KCNJ6: variants seen among roughly 807,000 people sequenced by gnomAD.
KCNJ6 encodes potassium inwardly rectifying channel subfamily J member 6.
A neutral mutation model predicts 34.2 loss-of-function variants in KCNJ6; 9 were observed. The ratio of observed to expected loss-of-function variants is 0.26; its 90% CI spans 0.16 to 0.46. The LOEUF is 0.46. Ranked by LOEUF, KCNJ6 falls within the 20% of genes least tolerant of loss-of-function variation. KCNJ6 has a pLI of 1.00. For synonymous variants in KCNJ6, 196 were observed against 207.1 expected (o/e 0.95, Z 0.46); for missense variants, 236 against 531.3 (o/e 0.44, Z 5.46).
intron 2 of KCNJ6, among the ~76,000 whole-genome samples, chr21:37,770,509 A>T (rs2055112963): frequency 6.6e-6 from 1 of 152,156 alleles, no homozygotes; most frequent in Non-Finnish European, 1.5e-5. Flanking sequence ...TGTAATGAAG[A>T]GTGTGTCTGG....
At chr21:37,893,472 C>G (rs981772135) in intron 1 of KCNJ6, among the ~76,000 whole-genome samples, 1 of 152,204 alleles carries the variant, frequency 6.6e-6, no homozygotes, top group Admixed American at 6.5e-5. Flanking sequence ...TCCCAAAGTG[C>G]TGGGATTACA....
chr21:37,715,114 C>T lies in KCNJ6; in HGVS notation c.43G>A (p.Asp15Asn), dbSNP rs201639979. ...CTTTCGACGTCCTGATCCATGGAGT[C>T]GCCCTCCAGGACGTTAGCTGGTGGT... is the stretch of plus-strand genomic sequence containing the variant. ...TESMTNVLEGDSMDQDVESPV... is the reference protein window; with the variant it reads ...TESMTNVLEGNSMDQDVESPV... The change falls in exon 3 of 4, where the codon GAC (aspartate) becomes AAC (asparagine). Residue 15 changes from aspartate to asparagine, a missense_variant. By Grantham distance (23) the Asp-to-Asn change is conservative. Around this residue, in one of 5 missense-constraint regions of KCNJ6, gnomAD observed 64 missense variants for 68.9 expected, o/e 0.93. Coordinates refer to ENST00000609713, the MANE Select transcript of KCNJ6 (RefSeq NM_002240.5). 199 of 1,612,880 alleles carry T rather than the reference C, an allele frequency of 1.2e-4. No individual in the cohort carries two copies. Among genetic ancestry groups the T allele is most frequent in the Non-Finnish European group, 1.5e-4 (182 of 1,179,440 alleles).
intron 3 of KCNJ6, among the ~76,000 whole-genome samples, chr21:37,673,811 G>A (rs4816579): frequency 0.018 from 2,737 of 152,288 alleles, 62 homozygotes; most frequent in East Asian, 0.062. Context: ...AGTTGATCAG[G>A]CAAACCAGTG....
At chr21:37,696,465 G>A (rs1198973370) in intron 3 of KCNJ6, among the ~76,000 whole-genome samples, 1 of 152,074 alleles carries the variant, frequency 6.6e-6, no homozygotes, top group Non-Finnish European at 1.5e-5. Flanking sequence ...AAAACCTTAA[G>A]TTGAGGCACA....
chr21:37,878,459 C>CG (rs2123620288), intron 1 of KCNJ6, among the ~76,000 whole-genome samples: 1 of 152,358 alleles, frequency 6.6e-6, no homozygotes, highest in South Asian at 2.1e-4. Flanking sequence ...AGCACAGCAA[C>CG]TGCTTTCTAG....
At chr21:37,703,303 CA>C (rs2054701107) in intron 3 of KCNJ6, among the ~76,000 whole-genome samples, 1 of 151,822 alleles carries the variant, frequency 6.6e-6, no homozygotes, top group Admixed American at 6.6e-5. Flanking sequence ...TCCACAGCAA[CA>C]GGGGGGAAGA....
intron 3 of KCNJ6, among the ~76,000 whole-genome samples, chr21:37,651,200 C>T (rs73904008): frequency 0.14 from 21,836 of 152,046 alleles, 2,403 homozygotes; most frequent in African/African-American, 0.3. Context: ...GGGGGGTGGA[C>T]AGAGAAGGGT....
intron 3 of KCNJ6, among the ~76,000 whole-genome samples, chr21:37,694,795 T>G (rs535833759): frequency 1.3e-5 from 2 of 152,210 alleles, no homozygotes; most frequent in African/African-American, 4.8e-5. Flanking sequence ...CACTGTCTAC[T>G]CATTGTATTG....
chr21:37,794,715 C>T (rs1195462345), intron 2 of KCNJ6, among the ~76,000 whole-genome samples: 3 of 151,334 alleles, frequency 2.0e-5, no homozygotes, highest in Admixed American at 6.6e-5. Context: ...CATCACATAC[C>T]GGGGCCTGTC....
At chr21:37,830,714 A>C (rs1202155825) in intron 2 of KCNJ6, among the ~76,000 whole-genome samples, 1 of 152,226 alleles carries the variant, frequency 6.6e-6, no homozygotes, top group Non-Finnish European at 1.5e-5. Flanking sequence ...CGTGATCTCC[A>C]AGACAGCAGA....
rs776604117 is a variant in KCNJ6, at chr21:37,619,776, T to C, written c.*5383A>G. 2 of 152,266 alleles carry C rather than the reference T, an allele frequency of 1.3e-5. No individual in the cohort carries two copies. The highest frequency in any genetic ancestry group is 2.9e-5 in the Non-Finnish European group (2 of 68,068). 9.4% of individuals were successfully genotyped at this position (152,266 alleles called of 1,614,324 possible). ...GCAGAGACTGGCAGCCTGAGCTATG[T>C]ACATCATCCAACGCCTGAGGGTGCC... On this transcript the variant is annotated 3_prime_UTR_variant, in exon 4 of 4. Coordinates refer to ENST00000609713, the MANE Select transcript of KCNJ6 (RefSeq NM_002240.5).
intron 3 of KCNJ6, among the ~76,000 whole-genome samples, chr21:37,686,014 C>T (rs1203349579): frequency 1.3e-5 from 2 of 151,982 alleles, no homozygotes; most frequent in African/African-American, 2.4e-5. Flanking sequence ...TCCAGAAAGG[C>T]ACCCAAGTGA....
intron 2 of KCNJ6, among the ~76,000 whole-genome samples, chr21:37,816,563 T>A (rs990539327): frequency 6.6e-6 from 1 of 152,246 alleles, no homozygotes; most frequent in South Asian, 2.1e-4. Flanking sequence ...GGTTATAACA[T>A]CATCCTGATG....
At chr21:37,775,812 T>C (rs2055139300) in intron 2 of KCNJ6, among the ~76,000 whole-genome samples, 1 of 151,956 alleles carries the variant, frequency 6.6e-6, no homozygotes, top group African/African-American at 2.4e-5. Context: ...TCTTTTGGCT[T>C]AGGATTGCCT....
chr21:37,690,769 CT>C (rs1236191939), intron 3 of KCNJ6, among the ~76,000 whole-genome samples: 1 of 144,426 alleles, frequency 6.9e-6, no homozygotes, highest in Non-Finnish European at 1.5e-5. Flanking sequence ...CAGGTTACTT[CT>C]TTTTTCTTTT....
rs547719282 is a variant in KCNJ6, at chr21:37,615,859, T to G, written c.*9300A>C. On this transcript the variant is annotated 3_prime_UTR_variant, in exon 4 of 4. Transcript: ENST00000609713. ...GATAATACAAAAATAATTTTGAAAATTTTTTAAAGGCAAATGTGACTGGAG... is the reference window on the plus strand; with the variant it reads ...GATAATACAAAAATAATTTTGAAAAGTTTTTAAAGGCAAATGTGACTGGAG... 2.6e-5 allele frequency: 4 copies of G among 152,184 alleles called. No homozygotes were observed. In the East Asian group the frequency reaches 7.7e-4, roughly 29 times the overall value. 9.4% of individuals were successfully genotyped at this position (152,184 alleles called of 1,614,324 possible). A position where few individuals can be genotyped will look rare whatever the true frequency, so the allele number is the denominator to read the frequency against.
At chr21:37,903,406 C>A (rs1324966863) in intron 1 of KCNJ6, among the ~76,000 whole-genome samples, 2 of 152,310 alleles carry the variant, frequency 1.3e-5, no homozygotes, top group African/African-American at 2.4e-5. Flanking sequence ...CAGCCATATG[C>A]AACTGTGAGT....
chr21:37,684,282 G>T (rs1171744001), intron 3 of KCNJ6, among the ~76,000 whole-genome samples: 2 of 152,006 alleles, frequency 1.3e-5, no homozygotes, highest in Non-Finnish European at 2.9e-5. Context: ...GCATCACCCT[G>T]ACTTCTGATG....
At chr21:37,795,205 G>A (rs561653999) in intron 2 of KCNJ6, among the ~76,000 whole-genome samples, 2 of 152,286 alleles carry the variant, frequency 1.3e-5, no homozygotes, top group East Asian at 3.9e-4. Context: ...CTTCCATCAG[G>A]ATAATGAAAT....
Sources: allele counts gnomAD v4.1 joint callset (sites outside exome capture counted in the v4.1 genomes callset), GRCh38; gene constraint gnomAD v4.1.1; regional missense constraint gnomAD v4.1.1; transcripts MANE v1.5; gene names NCBI Gene and HGNC (gene_info 2026-07-23, HGNC 2026-07-21).